The following DPP6 variants were observed in gnomAD, a reference collection of about 807,000 sequenced individuals.
The protein encoded by DPP6 is dipeptidyl peptidase like 6, also known as A-type potassium channel modulatory protein DPP6.
DPP6 carries 69 observed loss-of-function variants against 122.6 expected under a neutral mutation model. The observed-to-expected ratio is 0.56, with a 90% CI of 0.46 to 0.69. The LOEUF is 0.69. Ranked by LOEUF, DPP6 falls within the 30% of genes least tolerant of loss-of-function variation. DPP6 has a pLI of 0.00. For synonymous variants in DPP6, 418 were observed against 433.1 expected, an observed-to-expected ratio of 0.97 and a Z score of 0.43; for missense variants, 928 against 1,116.9, an observed-to-expected ratio of 0.83 and a Z score of 2.41.
rs147272603 is a variant in DPP6 at position 153,899,167 on chromosome 7, T to C, written c.51+11433T>C. Among the ~76,000 whole-genome samples, 527 of 151,716 alleles carry C rather than the reference T, an allele frequency of 3.5e-3. 1 individual carries two copies. Among genetic ancestry groups the C allele is most frequent in the Non-Finnish European group, 6.4e-3 (435 of 67,846 alleles). On this transcript the variant is annotated intron_variant, in intron 1 of 25. Transcript: ENST00000404039. ...CCTTCTCTTATTTATCCTCCTCCTC[T>C]TCTTCCTTCTCCTCTTCCTCTTCCT...
chr7:153,891,523 A>G (rs566600428), intron 1 of DPP6, among the ~76,000 whole-genome samples: 10 of 152,290 alleles, frequency 6.6e-5, no homozygotes, highest in Admixed American at 5.2e-4. Flanking sequence ...CAGAGTTCCA[A>G]GGGAGGCTGA....
the DPP6 span, among the ~76,000 whole-genome samples, chr7:153,775,958 G>C: frequency 1.4e-4 from 21 of 152,184 alleles, no homozygotes; most frequent in Admixed American, 9.8e-4. Context: ...TGTTTTCTTT[G>C]TTTGGGAGAT....
At chr7:154,058,994 G>A (rs1307929645) in intron 1 of DPP6, 6 of 124,230 alleles carry the variant, frequency 4.8e-5, no homozygotes, top group Middle Eastern at 6.1e-3. Flanking sequence ...GCCAGCCTCT[G>A]TTCCCCCACT....
At chr7:154,779,337 T>C (rs1374084573) in intron 10 of DPP6, among the ~76,000 whole-genome samples, 1 of 142,140 alleles carries the variant, frequency 7.0e-6, no homozygotes, top group African/African-American at 2.6e-5. Context: ...ACCACCACCA[T>C]CATCACTTCT....
At chr7:153,861,811 A>G in the DPP6 span, among the ~76,000 whole-genome samples, 1 of 152,216 alleles carries the variant, frequency 6.6e-6, no homozygotes, top group Non-Finnish European at 1.5e-5. Context: ...CTGATTTCCT[A>G]AGACTATTTT....
chr7:153,883,669 C>A (rs111926127), upstream of DPP6, among the ~76,000 whole-genome samples: 3,957 of 152,280 alleles, frequency 0.026, 147 homozygotes, highest in African/African-American at 0.089. Context: ...CGTGAGCCAC[C>A]GCACCTGGAC....
At chr7:154,543,210 AT>A (rs1421038588) in intron 4 of DPP6, among the ~76,000 whole-genome samples, 1 of 152,204 alleles carries the variant, frequency 6.6e-6, no homozygotes, top group Non-Finnish European at 1.5e-5. Context: ...GCCAACTGTA[AT>A]TTTTAAGTTG....
chr7:154,039,425 C>T (rs1799659202), intron 1 of DPP6, among the ~76,000 whole-genome samples: 1 of 85,710 alleles, frequency 1.2e-5, no homozygotes, highest in Non-Finnish European at 2.1e-5. Flanking sequence ...CTCCAAGGTC[C>T]TCAGTGTATT....
chr7:153,885,411 G>GGAGGTGAT (rs771247565), upstream of DPP6, among the ~76,000 whole-genome samples: 1 of 151,994 alleles, frequency 6.6e-6, no homozygotes. Flanking sequence ...GAGGACTTTG[G>GGAGGTGAT]GAGGTGATGA....
Position 154,607,983 on chromosome 7 carries a change from T to TC in DPP6, c.628-29838_628-29837insC, listed in dbSNP as rs1833655265. On this transcript the variant is annotated intron_variant, in intron 5 of 25. Coordinates refer to ENST00000377770, the MANE Select transcript of DPP6 (RefSeq NM_130797.4). Reference sequence around the variant, plus strand: ...ATAATATTTAGTTTTTTCTTTTTTTTTTCTTTTTTTTTTTGAGACAGAGTC... The same window carrying TC: ...ATAATATTTAGTTTTTTCTTTTTTTTCTTCTTTTTTTTTTTGAGACAGAGTC... Among the ~76,000 whole-genome samples the TC allele has an allele frequency of 1.7e-5, 2 of 116,278 alleles. 1 individual carries two copies. The highest frequency in any genetic ancestry group is 7.5e-4 in the East Asian group (2 of 2,684). 76.3% of individuals were successfully genotyped at this position (116,278 alleles called of 152,430 possible).
At chr7:154,195,967 T>G (rs1798845780) in intron 1 of DPP6, among the ~76,000 whole-genome samples, 1 of 152,180 alleles carries the variant, frequency 6.6e-6, no homozygotes, top group African/African-American at 2.4e-5. Context: ...CCTTCTCCCT[T>G]TTCAAGACCC....
At chr7:154,167,635 C>G (rs1031420870) in intron 1 of DPP6, among the ~76,000 whole-genome samples, 1 of 152,178 alleles carries the variant, frequency 6.6e-6, no homozygotes. Flanking sequence ...GGGACTGTGA[C>G]CTGCAGGGGG....
At chr7:153,842,488 A>G in the DPP6 span, among the ~76,000 whole-genome samples, 6 of 151,906 alleles carry the variant, frequency 3.9e-5, no homozygotes, top group Non-Finnish European at 7.4e-5. Flanking sequence ...TTTGCATTCA[A>G]TCTTTTCCTT....
chr7:153,990,740 G>T (rs1326625537), intron 1 of DPP6, among the ~76,000 whole-genome samples: 1 of 152,088 alleles, frequency 6.6e-6, no homozygotes, highest in Non-Finnish European at 1.5e-5. Flanking sequence ...GTGTTATAGT[G>T]TGGGGGCCTC....
intron 16 of DPP6, among the ~76,000 whole-genome samples, chr7:154,818,934 G>A (rs762615523): frequency 3.3e-5 from 5 of 152,152 alleles, no homozygotes; most frequent in African/African-American, 9.7e-5. Flanking sequence ...CAGACACCAC[G>A]CAAACCACTC....
the DPP6 span, among the ~76,000 whole-genome samples, chr7:153,773,419 G>A: frequency 6.6e-6 from 1 of 150,676 alleles, no homozygotes; most frequent in African/African-American, 2.4e-5. Context: ...AAATTATTAT[G>A]CAAGAACATC....
intron 1 of DPP6, among the ~76,000 whole-genome samples, chr7:153,888,894 G>A (rs1799066843): frequency 6.6e-6 from 1 of 152,098 alleles, no homozygotes; most frequent in Non-Finnish European, 1.5e-5. Flanking sequence ...GGGGTGCAGA[G>A]GCACCTTTGC....
chr7:154,116,864 C>T (rs1235530400), intron 1 of DPP6, among the ~76,000 whole-genome samples: 1 of 152,184 alleles, frequency 6.6e-6, no homozygotes, highest in Non-Finnish European at 1.5e-5. Flanking sequence ...AAATTCTAAG[C>T]TCAGCTTGGT....
intron 1 of DPP6, among the ~76,000 whole-genome samples, chr7:154,324,372 C>G (rs1158780784): frequency 6.6e-6 from 1 of 152,116 alleles, no homozygotes; most frequent in Non-Finnish European, 1.5e-5. Flanking sequence ...GCACTTCTGC[C>G]CCTTCCATGC....
Sources: gnomAD v4.1 joint callset for allele counts (sites outside exome capture counted in the v4.1 genomes callset) on GRCh38, gnomAD v4.1.1 for gene constraint, MANE v1.5 for transcripts, NCBI Gene and HGNC (gene_info 2026-07-23, HGNC 2026-07-21) for gene names.